ZNF330: variants seen among roughly 807,000 people sequenced by gnomAD.
The protein encoded by ZNF330 is nucleolar atypical zinc finger, also known as zinc finger protein 330.
Under a neutral mutation model 45.5 loss-of-function variants are expected in ZNF330, and 31 were observed. That is an observed-to-expected ratio of 0.68 (90% CI 0.51 to 0.92). The LOEUF (loss-of-function observed/expected upper bound fraction) is 0.92. Ranked by LOEUF, ZNF330 falls within the 40% of genes least tolerant of loss-of-function variation. The probability of loss-of-function intolerance (pLI) is 0.00; values close to 1 mark genes in which losing one functional copy is unlikely to be tolerated. For synonymous variants in ZNF330, 138 were observed against 123.2 expected (o/e 1.12, Z -0.79); for missense variants, 356 against 387.4 (o/e 0.92, Z 0.68).
chr4:141,224,651 A>G lies in ZNF330; in HGVS notation c.185A>G (p.Gln62Arg), dbSNP rs749594872. Reference protein sequence around the residue: ...RAFCYFCNSVQKLPICAQCGK... With the variant: ...RAFCYFCNSVRKLPICAQCGK... ...TTTTGCTACTTTTGTAATTCTGTAC[A>G]GAAGTTACCAATTTGTGCACAGTGT... The change falls in exon 4 of 10, where the codon CAG becomes CGG. Residue 62 changes from glutamine to arginine, a missense_variant. Coordinates refer to ENST00000262990, the MANE Select transcript of ZNF330 (RefSeq NM_014487.6). The G allele has an allele frequency of 4.3e-6, 7 of 1,613,626 alleles. No homozygotes were observed. The highest frequency in any genetic ancestry group is 1.1e-5 in the South Asian group (1 of 91,042).
chr4:141,231,730 G>C (rs1450984078), intron 8 of ZNF330, among the ~76,000 whole-genome samples: 1 of 152,032 alleles, frequency 6.6e-6, no homozygotes, highest in Non-Finnish European at 1.5e-5. Flanking sequence ...CTGGCTCTGT[G>C]TTTTTAGTGG....
In ZNF330 at chr4:141,233,702, C is replaced by CT. The variant is rs1242104756; in HGVS notation, c.689-12dup. On this transcript the variant is annotated splice_polypyrimidine_tract_variant and intron_variant, in intron 9 of 9. Coordinates refer to ENST00000262990, the MANE Select transcript of ZNF330 (RefSeq NM_014487.6). Reference sequence around the variant, plus strand: ...AACTAACAAAATGCCTTGTACTTGTCTGTCTTCTATAGCACGCTCCCTGAA... The same window carrying CT: ...AACTAACAAAATGCCTTGTACTTGTCTTGTCTTCTATAGCACGCTCCCTGAA... The CT allele has an allele frequency of 6.2e-7, 1 of 1,607,448 alleles. No homozygotes were observed. Among genetic ancestry groups the CT allele is most frequent in the South Asian group, 1.1e-5 (1 of 90,288 alleles).
chr4:141,231,268 AT>A (rs750676573), intron 7 of ZNF330, among the ~76,000 whole-genome samples, 170 bp from the exon 8 acceptor site: 3 of 152,066 alleles, frequency 2.0e-5, no homozygotes, highest in Non-Finnish European at 2.9e-5. Context: ...AAATTTAATT[AT>A]TTTATTTGCA....
In ZNF330 at chr4:141,234,015, GA is replaced by G. The variant is rs1729023948; in HGVS notation, c.*27del. On this transcript the variant is annotated 3_prime_UTR_variant, in exon 10 of 10. Transcript: ENST00000262990. ...GGGAGCTGCTCTGGTGGCCGTGTGTGAGAGGAGCAGGAGTGAGTGTGTGTGC... is the reference window on the plus strand; with the variant it reads ...GGGAGCTGCTCTGGTGGCCGTGTGTGGAGGAGCAGGAGTGAGTGTGTGTGC... 6.3e-7 allele frequency: 1 copy of G among 1,594,862 alleles called. No homozygotes were observed. The highest frequency in any genetic ancestry group is 8.5e-7 in the Non-Finnish European group (1 of 1,170,786).
At chr4:141,227,834 C>G (rs1200842501) in intron 5 of ZNF330, among the ~76,000 whole-genome samples, 1 of 152,042 alleles carries the variant, frequency 6.6e-6, no homozygotes, top group African/African-American at 2.4e-5. Flanking sequence ...TTTAACATAC[C>G]TCTTCATTAC....
chr4:141,231,451 A>G lies in ZNF330; in HGVS notation c.536A>G (p.Asn179Ser), dbSNP rs200255296. The G allele has an allele frequency of 2.1e-4, 330 of 1,597,968 alleles. 1 individual carries two copies. Among genetic ancestry groups the G allele is most frequent in the Non-Finnish European group, 2.7e-4 (314 of 1,174,348 alleles). Reference sequence around the variant, plus strand: ...CTATTTCCCACAGGTGTTTCATGCAATCGGCTTGGTCAGCACTCATGTCTC... The same window carrying G: ...CTATTTCCCACAGGTGTTTCATGCAGTCGGCTTGGTCAGCACTCATGTCTC... ...EAETFKCVSC[N>S]RLGQHSCLRC... Residue 179 changes from asparagine (N) to serine (S), a missense_variant, in exon 8 of 10, where the codon AAT (asparagine) becomes AGT (serine). By Grantham distance (46) the Asn-to-Ser change is conservative (BLOSUM62 1). Coordinates refer to ENST00000262990, the MANE Select transcript of ZNF330 (RefSeq NM_014487.6).
At chr4:141,223,016 T>G (rs944214527) in intron 2 of ZNF330, 2 of 152,404 alleles carry the variant, frequency 1.3e-5, no homozygotes, top group Admixed American at 1.3e-4. Context: ...GACTGTAGAG[T>G]TATTCCGGTT....
chr4:141,228,053 G>T (rs1035505394), intron 5 of ZNF330, among the ~76,000 whole-genome samples: 2 of 151,964 alleles, frequency 1.3e-5, no homozygotes, highest in Non-Finnish European at 2.9e-5. Flanking sequence ...ATGTCAAATG[G>T]AATATTTTAT....
intron 5 of ZNF330, among the ~76,000 whole-genome samples, chr4:141,227,057 A>G (rs1386256261): frequency 6.7e-6 from 1 of 150,368 alleles, no homozygotes; most frequent in Non-Finnish European, 1.5e-5. Flanking sequence ...ATTAGGGAAC[A>G]TACAAGGCAT....
intron 4 of ZNF330, 103 bp from the exon 5 acceptor site, chr4:141,226,663 TA>T: frequency 1.3e-6 from 1 of 799,954 alleles, no homozygotes; most frequent in Admixed American, 2.4e-5. Flanking sequence ...CATTAGTTTT[TA>T]AATTATTTCC....
upstream of ZNF330, among the ~76,000 whole-genome samples, chr4:141,220,727 C>G (rs1728649917): frequency 6.6e-6 from 1 of 152,232 alleles, no homozygotes; most frequent in African/African-American, 2.4e-5. Flanking sequence ...AGGGGGCCTT[C>G]CCCTGCTTTC....
intron 4 of ZNF330, among the ~76,000 whole-genome samples, chr4:141,225,372 C>T (rs926552847): frequency 6.6e-6 from 1 of 151,968 alleles, no homozygotes; most frequent in African/African-American, 2.4e-5. Flanking sequence ...TTGAGAAATA[C>T]TGCATGCATC....
chr4:141,226,693 TA>T (rs1482157483), intron 4 of ZNF330, 73 bp from the exon 5 acceptor site: 2 of 1,170,412 alleles, frequency 1.7e-6, no homozygotes, highest in African/African-American at 3.1e-5. Flanking sequence ...TTGGGCTGGA[TA>T]AAAGGAGGAA....
upstream of ZNF330, chr4:141,220,747 G>T (rs1728650256): frequency 6.6e-6 from 1 of 152,278 alleles, no homozygotes; most frequent in Non-Finnish European, 1.5e-5. Flanking sequence ...CCCTCCTTCT[G>T]CTTCCCTATT....
intron 9 of ZNF330, among the ~76,000 whole-genome samples, chr4:141,233,319 G>A (rs1729003150): frequency 6.6e-6 from 1 of 152,102 alleles, no homozygotes; most frequent in South Asian, 2.1e-4. Context: ...TAAGGCAGAA[G>A]AAATGACAGG....
rs1316493327 is a variant in ZNF330 at position 141,222,417 on chromosome 4, C to T, written c.46C>T (p.Arg16Ter). ...TGCGAGGAAGAAGGCTGAGAACCGC[C>T]GAGAACGTGAAAAACAACTAAGAGC... Reference protein sequence around the residue: ...TGARKKAENRREREKQLRASR... With the variant: ...TGARKKAENR The change falls in exon 2 of 10, where the codon CGA (arginine) becomes TGA (stop). Residue 16 changes from arginine to a stop codon, truncating the protein, a stop_gained. Transcript: ENST00000262990. LOFTEE classifies it high-confidence loss of function. 6.2e-7 allele frequency: 1 copy of T among 1,613,436 alleles called. No homozygotes were observed. The highest frequency in any genetic ancestry group is 8.5e-7 in the Non-Finnish European group (1 of 1,179,712).
intron 7 of ZNF330, 57 bp downstream of exon 7, chr4:141,230,327 T>C (rs963977941): frequency 3.5e-5 from 36 of 1,025,460 alleles, no homozygotes; most frequent in Middle Eastern, 5.9e-4. Flanking sequence ...AGTATAATTA[T>C]TAATCTTAAT....
Position 141,220,965 on chromosome 4 carries a change from T to C in ZNF330, c.-150T>C, listed in dbSNP as rs1308389660. 6.6e-6 allele frequency: 1 copy of C among 152,346 alleles called. No individual in the cohort carries two copies. Among genetic ancestry groups the C allele is most frequent in the Admixed American group, 6.5e-5 (1 of 15,292 alleles). 9.4% of individuals were successfully genotyped at this position (152,346 alleles called of 1,614,324 possible). ...GGCTGTCAGCCTCCCTGGCTGTTAG[T>C]ACCTTCTTTCCCGGAGTCCTGGTCC... On this transcript the variant is annotated 5_prime_UTR_variant, in exon 1 of 10. Coordinates refer to ENST00000262990, the MANE Select transcript of ZNF330 (RefSeq NM_014487.6).
At chr4:141,226,718 G>C in intron 4 of ZNF330, 49 bp from the exon 5 acceptor site, 3 of 1,420,770 alleles carry the variant, frequency 2.1e-6, no homozygotes, top group Admixed American at 1.7e-5. Context: ...GTGAGTACTG[G>C]TATGTATTCC....
Sources: gnomAD v4.1 joint callset for allele counts (sites outside exome capture counted in the v4.1 genomes callset) on GRCh38, gnomAD v4.1.1 for gene constraint, MANE v1.5 for transcripts, NCBI Gene and HGNC (gene_info 2026-07-23, HGNC 2026-07-21) for gene names.